The following PARM1 variants were observed in gnomAD, a reference collection of about 807,000 sequenced individuals.
PARM1 encodes prostate androgen-regulated mucin-like protein 1, also known as WSC4, cell wall integrity and stress response component 4 homolog.
PARM1 carries 14 observed loss-of-function variants against 24.6 expected under a neutral mutation model. That is an observed-to-expected ratio of 0.57 (90% CI 0.38 to 0.89). The LOEUF is 0.89. Ranked by LOEUF, PARM1 falls within the 40% of genes least tolerant of loss-of-function variation. The pLI is 0.00. For missense variants in PARM1, 362 were observed against 380.4 expected, an observed-to-expected ratio of 0.95 and a Z score of 0.40; for synonymous variants, 179 against 156.6, an observed-to-expected ratio of 1.14 and a Z score of -1.07.
At chr4:74,994,535 A>C (rs1023017847) in intron 1 of PARM1, among the ~76,000 whole-genome samples, 1 of 152,182 alleles carries the variant, frequency 6.6e-6, no homozygotes, top group Non-Finnish European at 1.5e-5. Context: ...CTGGCCAGGC[A>C]TGGTGACTCA....
At chr4:74,990,712 T>C (rs542804665) in intron 1 of PARM1, among the ~76,000 whole-genome samples, 4 of 152,258 alleles carry the variant, frequency 2.6e-5, no homozygotes, top group Admixed American at 6.5e-5. Flanking sequence ...CAACCAAGCA[T>C]AGTAAATTAG....
At chr4:74,961,856 T>A (rs79652502) in intron 1 of PARM1, among the ~76,000 whole-genome samples, 4,371 of 152,200 alleles carry the variant, frequency 0.029, 205 homozygotes, top group African/African-American at 0.099. Context: ...CACTAAGCAG[T>A]AATTTGAAGA....
At chr4:75,028,612 C>A (rs1345028393) in intron 2 of PARM1, among the ~76,000 whole-genome samples, 1 of 152,214 alleles carries the variant, frequency 6.6e-6, no homozygotes, top group Non-Finnish European at 1.5e-5. Flanking sequence ...CAAGTATTTA[C>A]ACGCACCTTC....
At chr4:74,972,054 G>A (rs936971298) in intron 1 of PARM1, among the ~76,000 whole-genome samples, 1 of 152,228 alleles carries the variant, frequency 6.6e-6, no homozygotes, top group Non-Finnish European at 1.5e-5. Flanking sequence ...CTGCAAAGAT[G>A]AGCAAGGATA....
At chr4:74,946,258 C>T (rs1721408389) in intron 1 of PARM1, among the ~76,000 whole-genome samples, 1 of 152,190 alleles carries the variant, frequency 6.6e-6, no homozygotes, top group African/African-American at 2.4e-5. Flanking sequence ...CACCTCTGCC[C>T]CCATTCCCTT....
intron 1 of PARM1, among the ~76,000 whole-genome samples, chr4:74,970,813 C>T (rs1722016504): frequency 6.6e-6 from 1 of 152,144 alleles, no homozygotes; most frequent in South Asian, 2.1e-4. Context: ...GCTCTGTTTT[C>T]CAGAGCAAGA....
At chr4:75,000,483 T>C (rs1722657903) in intron 1 of PARM1, among the ~76,000 whole-genome samples, 1 of 152,216 alleles carries the variant, frequency 6.6e-6, no homozygotes, top group Admixed American at 6.5e-5. Flanking sequence ...GTGGGTTTAC[T>C]GGCATCCTTG....
intron 1 of PARM1, among the ~76,000 whole-genome samples, chr4:74,982,652 T>C (rs1722281021): frequency 6.6e-6 from 1 of 152,128 alleles, no homozygotes; most frequent in Admixed American, 6.5e-5. Flanking sequence ...TGTGCCACCA[T>C]TGTTGAATGT....
At chr4:75,000,589 A>G (rs1444281779) in intron 1 of PARM1, among the ~76,000 whole-genome samples, 1 of 152,200 alleles carries the variant, frequency 6.6e-6, no homozygotes, top group Non-Finnish European at 1.5e-5. Flanking sequence ...CCTTTCTTAT[A>G]TATTGCTTTT....
At chr4:75,007,771 G>A (rs745871705) in intron 1 of PARM1, among the ~76,000 whole-genome samples, 1 of 152,192 alleles carries the variant, frequency 6.6e-6, no homozygotes, top group Non-Finnish European at 1.5e-5. Flanking sequence ...GATCATGTGG[G>A]TGGGGCCCTT....
chr4:74,957,521 T>G (rs1721662537), intron 1 of PARM1, among the ~76,000 whole-genome samples: 1 of 152,216 alleles, frequency 6.6e-6, no homozygotes, highest in African/African-American at 2.4e-5. Context: ...GATTTATTTG[T>G]TTGCTAACTT....
At chr4:74,975,983 A>C (rs899195332) in intron 1 of PARM1, among the ~76,000 whole-genome samples, 1 of 152,334 alleles carries the variant, frequency 6.6e-6, no homozygotes, top group Non-Finnish European at 1.5e-5. Flanking sequence ...AGCCCACCTG[A>C]GAGCCACATA....
chr4:74,973,885 TAG>T (rs370025200), intron 1 of PARM1, among the ~76,000 whole-genome samples: 33 of 149,706 alleles, frequency 2.2e-4, no homozygotes, highest in Admixed American at 4.0e-4. Flanking sequence ...TGTGTGGGTG[TAG>T]AGAGAGAGAG....
At chr4:74,934,234 T>G (rs908215995) in intron 1 of PARM1, among the ~76,000 whole-genome samples, 4 of 152,100 alleles carry the variant, frequency 2.6e-5, no homozygotes, top group Non-Finnish European at 5.9e-5. Context: ...GGTACCTATT[T>G]TTTCCAGAAA....
At position 74,933,234 on chromosome 4, in the gene PARM1, C is replaced by A; in HGVS notation, c.-94C>A. 1.8e-6 allele frequency: 2 copies of A among 1,127,962 alleles called. No individual in the cohort carries two copies. Among genetic ancestry groups the A allele is most frequent in the South Asian group, 1.3e-5 (1 of 75,322 alleles). 69.9% of individuals were successfully genotyped at this position (1,127,962 alleles called of 1,614,324 possible). A position where few individuals can be genotyped will look rare whatever the true frequency, so the allele number is the denominator to read the frequency against. On this transcript the variant is annotated 5_prime_UTR_variant, in exon 1 of 4. Transcript: ENST00000307428. ...CTCCCGGCTCCCACCGCAGCCCACC[C>A]GGCAGAGGAGTCGCTACCAGCGCCC...
chr4:74,981,628 G>T (rs1722257783), intron 1 of PARM1, among the ~76,000 whole-genome samples: 1 of 152,096 alleles, frequency 6.6e-6, no homozygotes, highest in Non-Finnish European at 1.5e-5. Context: ...TGTAATCCCA[G>T]CACTTTGGGA....
In PARM1 at chr4:75,023,465, A is replaced by G. The variant is rs971250895; in HGVS notation, c.769+10315A>G. 2.0e-5 allele frequency among the ~76,000 whole-genome samples: 3 copies of G among 152,320 alleles called. No homozygotes were observed. In the South Asian group the frequency reaches 6.2e-4, roughly 32 times the overall value. Reference sequence around the variant, plus strand: ...GTTGGGTCCTTAATTCTCAATGTGGATACCAACCAGCAAGAGTTTTGACTC... The same window carrying G: ...GTTGGGTCCTTAATTCTCAATGTGGGTACCAACCAGCAAGAGTTTTGACTC... On this transcript the variant is annotated intron_variant, in intron 2 of 3. Transcript: ENST00000307428.
At chr4:75,017,690 A>T (rs1723013240) in intron 2 of PARM1, among the ~76,000 whole-genome samples, 1 of 152,216 alleles carries the variant, frequency 6.6e-6, no homozygotes, top group Non-Finnish European at 1.5e-5. Flanking sequence ...GTCTGTTTTC[A>T]TGCCACCATG....
chr4:74,947,571 A>G (rs917423907), intron 1 of PARM1, among the ~76,000 whole-genome samples: 1 of 152,230 alleles, frequency 6.6e-6, no homozygotes, highest in African/African-American at 2.4e-5. Flanking sequence ...GGTATTGTTA[A>G]TATTTTCAAT....
Sources: allele counts gnomAD v4.1 joint callset (sites outside exome capture counted in the v4.1 genomes callset), GRCh38; gene constraint gnomAD v4.1.1; transcripts MANE v1.5; gene names NCBI Gene and HGNC (gene_info 2026-07-23, HGNC 2026-07-21).